The following HMCN1 variants were observed in gnomAD, a reference collection of about 807,000 sequenced individuals.
HMCN1 encodes hemicentin-1.
HMCN1 carries 321 observed loss-of-function variants against 625.9 expected under a neutral mutation model. The ratio of observed to expected loss-of-function variants is 0.51; its 90% CI spans 0.47 to 0.56. The LOEUF is 0.56. Among genes scored for constraint, HMCN1 ranks in the 20% least tolerant of loss-of-function variants. The pLI is 0.00. For missense variants in HMCN1, 6,588 were observed against 6,887.3 expected (o/e 0.96, Z 1.54); for synonymous variants, 2,425 against 2,417.6 (o/e 1.00, Z -0.09).
At chr1:185,796,170 A>G (rs948663132) in intron 1 of HMCN1, among the ~76,000 whole-genome samples, 1 of 152,158 alleles carries the variant, frequency 6.6e-6, no homozygotes, top group Non-Finnish European at 1.5e-5. Context: ...TCTATCTTAG[A>G]ACATTAGGCA....
chr1:186,120,152 AAAT>A lies in HMCN1; in HGVS notation c.12229+11_12229+13del. On this transcript the variant is annotated splice_region_variant and intron_variant, in intron 80 of 106. Coordinates refer to ENST00000271588, the MANE Select transcript of HMCN1 (RefSeq NM_031935.3). ...ATCAAGTTAAATGTCCAAGGTACCT[AAAT>A]AATTCATCTCTGTTTTCAATTCAAA... 1 of 1,613,408 alleles carries A rather than the reference AAAT, an allele frequency of 6.2e-7. No homozygotes were observed. Among genetic ancestry groups the A allele is most frequent in the African/African-American group, 1.3e-5 (1 of 75,022 alleles).
chr1:185,808,047 C>A (rs1659284573), intron 1 of HMCN1, among the ~76,000 whole-genome samples: 1 of 151,766 alleles, frequency 6.6e-6, no homozygotes, highest in Admixed American at 6.6e-5. Flanking sequence ...ATAGTGGGAC[C>A]CCTGTCTCTA....
intron 22 of HMCN1, among the ~76,000 whole-genome samples, chr1:185,992,277 C>T (rs965092906): frequency 1.3e-5 from 2 of 152,100 alleles, no homozygotes; most frequent in Non-Finnish European, 2.9e-5. Context: ...TTAAGGAGCA[C>T]AGTGTATTAA....
At chr1:186,128,421 G>A (rs900149751) in intron 83 of HMCN1, 130 bp downstream of exon 83, 2 of 761,150 alleles carry the variant, frequency 2.6e-6, no homozygotes, top group Middle Eastern at 3.6e-4. Flanking sequence ...TAAAATGTGT[G>A]CCTCTGCTTG....
chr1:186,081,895 C>T (rs888971149), intron 56 of HMCN1, among the ~76,000 whole-genome samples: 1 of 151,998 alleles, frequency 6.6e-6, no homozygotes, highest in African/African-American at 2.4e-5. Context: ...GAAATAATAC[C>T]AATTCTTTTG....
intron 1 of HMCN1, among the ~76,000 whole-genome samples, chr1:185,821,840 T>G (rs1660200617): frequency 6.7e-6 from 1 of 149,914 alleles, no homozygotes; most frequent in Admixed American, 6.7e-5. Context: ...AGAGATAGTG[T>G]GCTTTGCCCT....
At chr1:186,086,825 TA>T (rs1184995746) in intron 58 of HMCN1, among the ~76,000 whole-genome samples, 9 of 66,218 alleles carry the variant, frequency 1.4e-4, no homozygotes, top group African/African-American at 4.9e-4. Context: ...GATAGATAGA[TA>T]GATAGATAGA....
At chr1:185,903,232 G>C (rs1665914395) in intron 4 of HMCN1, among the ~76,000 whole-genome samples, 2 of 151,416 alleles carry the variant, frequency 1.3e-5, no homozygotes. Flanking sequence ...ATTTTTTTCG[G>C]CTGTTGTGTA....
At chr1:186,008,896 T>G (rs1158955132) in intron 30 of HMCN1, among the ~76,000 whole-genome samples, 1 of 152,200 alleles carries the variant, frequency 6.6e-6, no homozygotes, top group African/African-American at 2.4e-5. Context: ...TAAATGTTAC[T>G]GTCTTTATGT....
At chr1:185,783,126 A>G (rs1228545288) in intron 1 of HMCN1, among the ~76,000 whole-genome samples, 1 of 151,970 alleles carries the variant, frequency 6.6e-6, no homozygotes, top group African/African-American at 2.4e-5. Context: ...CCTTTTTTCC[A>G]GTTCATCGAA....
intron 1 of HMCN1, among the ~76,000 whole-genome samples, chr1:185,793,713 T>A (rs1207104275): frequency 1.3e-5 from 2 of 152,218 alleles, no homozygotes; most frequent in Non-Finnish European, 2.9e-5. Flanking sequence ...TTCATTTTTT[T>A]AAAACAGGAG....
chr1:185,953,313 T>G (rs930410806), intron 11 of HMCN1, among the ~76,000 whole-genome samples: 1 of 151,548 alleles, frequency 6.6e-6, no homozygotes, highest in African/African-American at 2.4e-5. Context: ...CTGCTAAGGG[T>G]GAAGGACCAA....
In HMCN1 at chr1:185,994,825, G is replaced by T; in HGVS notation, c.3516G>T (p.Lys1172Asn). Residue 1172 changes from lysine to asparagine, a missense_variant, in exon 24 of 107, where the codon AAG becomes AAT. By Grantham distance (94) the Lys-to-Asn change is moderately conservative. Around this residue, in one of 3 missense-constraint regions of HMCN1, gnomAD observed 4,628 missense variants for 4,853.1 expected, o/e 0.95. Transcript: ENST00000271588. ...AVKLNVHVPP[K>N]IQRGPKHLKV... is the part of the protein sequence containing the mutation. ...AGTTATTATTTCTAGTTCCTCCAAAGATACAGCGTGGACCTAAACATCTCA... is the reference window on the plus strand; with the variant it reads ...AGTTATTATTTCTAGTTCCTCCAAATATACAGCGTGGACCTAAACATCTCA... 4 of 1,613,446 alleles carry T rather than the reference G, an allele frequency of 2.5e-6. No homozygotes were observed. The highest frequency in any genetic ancestry group is 3.4e-6 in the Non-Finnish European group (4 of 1,179,518).
chr1:185,950,916 T>C (rs1175896852), intron 11 of HMCN1, among the ~76,000 whole-genome samples: 1 of 151,816 alleles, frequency 6.6e-6, no homozygotes, highest in African/African-American at 2.4e-5. Context: ...GTAAGGCTTG[T>C]CTGGTTTTAG....
At chr1:186,115,019 A>G in intron 74 of HMCN1, 73 bp downstream of exon 74, 1 of 1,600,930 alleles carries the variant, frequency 6.2e-7, no homozygotes, top group South Asian at 1.1e-5. Context: ...TAGTGAGGTC[A>G]TAAAGATCTT....
At chr1:185,981,116 A>T (rs1195680390) in intron 17 of HMCN1, 43 bp downstream of exon 17, 1 of 1,163,288 alleles carries the variant, frequency 8.6e-7, no homozygotes, top group African/African-American at 1.5e-5. Context: ...CTTCAAAGTC[A>T]TCAGACTTCT....
intron 11 of HMCN1, among the ~76,000 whole-genome samples, chr1:185,952,669 A>G (rs1340017090): frequency 6.6e-6 from 1 of 151,788 alleles, no homozygotes; most frequent in Non-Finnish European, 1.5e-5. Flanking sequence ...GCATTGCAGA[A>G]GAAAATAAGA....
At chr1:185,759,088 C>T (rs1226629095) in intron 1 of HMCN1, among the ~76,000 whole-genome samples, 1 of 152,180 alleles carries the variant, frequency 6.6e-6, no homozygotes, top group Non-Finnish European at 1.5e-5. Context: ...AATAGCTGTA[C>T]TAGAAGAAAA....
In HMCN1 at chr1:186,087,259, G is replaced by A. The variant is rs540724756; in HGVS notation, c.9089G>A (p.Gly3030Asp). Residue 3030 changes from glycine to aspartate, a missense_variant, in exon 59 of 107, where the codon GGT becomes GAT. Physicochemically the swap from Gly to Asp is moderately conservative, Grantham distance 94. Around this residue, in one of 3 missense-constraint regions of HMCN1, gnomAD observed 4,628 missense variants for 4,853.1 expected, o/e 0.95. Transcript: ENST00000271588. ...LQIIRAKVSDGGEYTCIAINQ... is the reference protein window; with the variant it reads ...LQIIRAKVSDDGEYTCIAINQ... ...ATTATTCGGGCCAAGGTATCAGATG[G>A]TGGTGAATACACTTGTATAGCTATC... The A allele has an allele frequency of 3.7e-6, 6 of 1,613,246 alleles. No individual in the cohort carries two copies. The African/African-American group carries it at 5.3e-5, about 14-fold the overall frequency.
Sources: gnomAD v4.1 joint callset for allele counts (sites outside exome capture counted in the v4.1 genomes callset) on GRCh38, gnomAD v4.1.1 for gene constraint, gnomAD v4.1.1 regional missense constraint, MANE v1.5 for transcripts, NCBI Gene and HGNC (gene_info 2026-07-23, HGNC 2026-07-21) for gene names.